Variants in GABRA6 observed in about 807,000 individuals in gnomAD.
GABRA6 encodes gamma-aminobutyric acid type A receptor subunit alpha6.
A neutral mutation model predicts 47.3 loss-of-function variants in GABRA6; 45 were observed. The ratio of observed to expected loss-of-function variants is 0.95; its 90% CI spans 0.75 to 1.22. GABRA6 has a LOEUF of 1.22. GABRA6 is among the 50% of genes most tolerant of loss of function. The pLI is 0.00. For synonymous variants in GABRA6, 219 were observed against 194.7 expected, an observed-to-expected ratio of 1.12 and a Z score of -1.04; for missense variants, 583 against 549.3, an observed-to-expected ratio of 1.06 and a Z score of -0.61.
Position 161,689,175 on chromosome 5 carries a change from G to C in GABRA6, c.446+6G>C, listed in dbSNP as rs758457278. ...ACCATTTTATACACCATGAGGTGAGGTTTCTCCAATTCTATTTCCCCTGCC... is the reference window on the plus strand; with the variant it reads ...ACCATTTTATACACCATGAGGTGAGCTTTCTCCAATTCTATTTCCCCTGCC... On this transcript the variant is annotated splice_donor_region_variant and intron_variant, in intron 4 of 8. Transcript: ENST00000274545. The C allele has an allele frequency of 6.2e-7, 1 of 1,613,104 alleles. No individual in the cohort carries two copies. The highest frequency in any genetic ancestry group is 8.5e-7 in the Non-Finnish European group (1 of 1,179,090).
Position 161,686,337 on chromosome 5 carries a change from C to G in GABRA6, c.146C>G (p.Pro49Arg). 1.2e-6 allele frequency: 2 copies of G among 1,613,110 alleles called. No individual in the cohort carries two copies. The highest frequency in any genetic ancestry group is 1.7e-6 in the Non-Finnish European group (2 of 1,179,100). The change falls in exon 2 of 9, where the codon CCG becomes CGG. Residue 49 changes from proline (P) to arginine (R), a missense_variant. Coordinates refer to ENST00000274545, the MANE Select transcript of GABRA6 (RefSeq NM_000811.3). Reference protein sequence around the residue: ...LLEGYDNRLRPGFGGAVTEVK... With the variant: ...LLEGYDNRLRRGFGGAVTEVK... ...GAAGGCTATGACAATCGGCTGCGGC[C>G]GGGATTTGGAGGTAAGAAGCTGCAT...
chr5:161,700,864 T>C (rs1294082285), intron 8 of GABRA6, among the ~76,000 whole-genome samples: 1 of 152,236 alleles, frequency 6.6e-6, no homozygotes, highest in Non-Finnish European at 1.5e-5. Context: ...AAGAGGCAGC[T>C]ATATTTCAAG....
intron 8 of GABRA6, among the ~76,000 whole-genome samples, chr5:161,701,179 C>A (rs1266719887): frequency 6.6e-6 from 1 of 152,164 alleles, no homozygotes; most frequent in Non-Finnish European, 1.5e-5. Flanking sequence ...AGTGGCTAGG[C>A]CTCTGCAACC....
intron 8 of GABRA6, among the ~76,000 whole-genome samples, chr5:161,694,149 A>T (rs908121614): frequency 2.0e-5 from 3 of 152,100 alleles, no homozygotes; most frequent in African/African-American, 2.4e-5. Context: ...TCATATTAGT[A>T]GAAATAAGTG....
At chr5:161,699,062 A>T (rs1754933693) in intron 8 of GABRA6, among the ~76,000 whole-genome samples, 2 of 152,176 alleles carry the variant, frequency 1.3e-5, no homozygotes, top group South Asian at 2.1e-4. Flanking sequence ...ATCTCTAAAA[A>T]ACGGGGAGAA....
At chr5:161,693,836 A>G (rs1421065488) in intron 8 of GABRA6, among the ~76,000 whole-genome samples, 8 of 152,014 alleles carry the variant, frequency 5.3e-5, no homozygotes, top group African/African-American at 2.4e-5. Context: ...TAATAATAAT[A>G]ATCAGAAGAA....
chr5:161,696,435 A>G (rs1404998323), intron 8 of GABRA6, among the ~76,000 whole-genome samples: 1 of 147,944 alleles, frequency 6.8e-6, no homozygotes, highest in Non-Finnish European at 1.5e-5. Context: ...ATTCCTCCCT[A>G]CAATTAAGGA....
At chr5:161,699,853 C>G (rs1447311526) in intron 8 of GABRA6, among the ~76,000 whole-genome samples, 1 of 152,146 alleles carries the variant, frequency 6.6e-6, no homozygotes, top group East Asian at 1.9e-4. Flanking sequence ...CCTCTAAGAC[C>G]TATGACTAAT....
rs185774338 is a variant in GABRA6, at chr5:161,688,631, A to G, written c.226-318A>G. 1.5e-3 allele frequency among the ~76,000 whole-genome samples: 228 copies of G among 152,318 alleles called. 7 individuals are homozygous for G. The highest frequency in any genetic ancestry group is 0.014 in the Admixed American group (210 of 15,290). On this transcript the variant is annotated intron_variant, in intron 3 of 8. Coordinates refer to ENST00000274545, the MANE Select transcript of GABRA6 (RefSeq NM_000811.3). ...CACAAAGGCTAAACTAAATATTTCC[A>G]TATTTTTTTTCTAGATTAAGAAGGA...
intron 8 of GABRA6, 79 bp downstream of exon 8, chr5:161,692,279 C>T: frequency 1.9e-6 from 3 of 1,555,118 alleles, no homozygotes; most frequent in Non-Finnish European, 2.7e-6. Flanking sequence ...CGAAAGTGTC[C>T]AAAAGTAATG....
At position 161,690,360 on chromosome 5, in the gene GABRA6, G is replaced by C. The variant is rs1386295107; in HGVS notation, c.826+7G>C. The stretch of plus-strand genomic sequence containing the variant: ...CCAGCAAGAACTGTTTTTGGTATAT[G>C]TCACATTTTGTACTTCACGTACATT... On this transcript the variant is annotated splice_region_variant and intron_variant, in intron 7 of 8. Coordinates refer to ENST00000274545, the MANE Select transcript of GABRA6 (RefSeq NM_000811.3). 2 of 1,611,840 alleles carry C rather than the reference G, an allele frequency of 1.2e-6. No individual in the cohort carries two copies. The highest frequency in any genetic ancestry group is 2.7e-5 in the African/African-American group (2 of 74,884).
intron 8 of GABRA6, among the ~76,000 whole-genome samples, chr5:161,692,987 T>C (rs1561725870): frequency 6.6e-6 from 1 of 152,188 alleles, no homozygotes; most frequent in Admixed American, 6.5e-5. Context: ...ATAAAACTGA[T>C]TGACAGTCAT....
At chr5:161,696,350 G>T (rs1754885677) in intron 8 of GABRA6, among the ~76,000 whole-genome samples, 2 of 127,870 alleles carry the variant, frequency 1.6e-5, no homozygotes, top group South Asian at 2.7e-4. Flanking sequence ...ATATTGCACA[G>T]ATTTTTTTTT....
Position 161,685,908 on chromosome 5 carries a change from T to A in GABRA6, c.-82T>A, listed in dbSNP as rs182859893. The stretch of plus-strand genomic sequence containing the variant: ...AGATATGAAGGGTTTGAAAGATTTC[T>A]CCAGTTGATTGGCAGAGAAGAGCTG... On this transcript the variant is annotated 5_prime_UTR_variant, in exon 1 of 9. Coordinates refer to ENST00000274545, the MANE Select transcript of GABRA6 (RefSeq NM_000811.3). 1.8e-6 allele frequency: 2 copies of A among 1,084,112 alleles called. No homozygotes were observed. The highest frequency in any genetic ancestry group is 2.9e-6 in the Non-Finnish European group (2 of 695,154). 67.2% of individuals were successfully genotyped at this position (1,084,112 alleles called of 1,614,324 possible). A position where few individuals can be genotyped will look rare whatever the true frequency, so the allele number is the denominator to read the frequency against.
intron 8 of GABRA6, among the ~76,000 whole-genome samples, chr5:161,701,043 C>T (rs923148789): frequency 9.2e-5 from 14 of 152,172 alleles, no homozygotes; most frequent in Admixed American, 7.2e-4. Context: ...AGAAGAATGG[C>T]GTCAATAAAC....
chr5:161,691,299 T>G (rs1754786382), intron 7 of GABRA6, among the ~76,000 whole-genome samples: 2 of 134,140 alleles, frequency 1.5e-5, no homozygotes, highest in East Asian at 4.2e-4. Context: ...TTTTTTTTTT[T>G]TTTTTTTTTT....
chr5:161,686,055 T>C (rs1381766865), intron 1 of GABRA6, 28 bp downstream of exon 1: 1 of 1,608,068 alleles, frequency 6.2e-7, no homozygotes, highest in East Asian at 2.2e-5. Context: ...TCCTGATTTT[T>C]CTTTTTATCT....
In GABRA6 at chr5:161,701,856, G is replaced by C; in HGVS notation, c.*83G>C. On this transcript the variant is annotated 3_prime_UTR_variant, in exon 9 of 9. Transcript: ENST00000274545. Reference sequence around the variant, plus strand: ...CTTAAAAAATAGCATTGAGACTTGTGTAGATGCTTCTCAGAACATGAAATC... The same window carrying C: ...CTTAAAAAATAGCATTGAGACTTGTCTAGATGCTTCTCAGAACATGAAATC... 7.2e-7 allele frequency: 1 copy of C among 1,380,226 alleles called. No homozygotes were observed. Among genetic ancestry groups the C allele is most frequent in the Non-Finnish European group, 1.0e-6 (1 of 973,010 alleles). 85.5% of individuals were successfully genotyped at this position (1,380,226 alleles called of 1,614,324 possible). A position where few individuals can be genotyped will look rare whatever the true frequency, so the allele number is the denominator to read the frequency against.
chr5:161,689,322 T>C lies in GABRA6; in HGVS notation c.515T>C (p.Leu172Pro). 6.2e-7 allele frequency: 1 copy of C among 1,613,840 alleles called. No homozygotes were observed. Among genetic ancestry groups the C allele is most frequent in the South Asian group, 1.1e-5 (1 of 91,086 alleles). Reference sequence around the variant, plus strand: ...CCTATGGATGGGCATGCTTGTCCACTCAAGTTTGGGAGCTGTAAGTTACAA... The same window carrying C: ...CCTATGGATGGGCATGCTTGTCCACCCAAGTTTGGGAGCTGTAAGTTACAA... ...NFPMDGHACP[L>P]KFGSYAYPKS... Residue 172 changes from leucine (L) to proline (P), a missense_variant, in exon 5 of 9, where the codon CTC becomes CCC. Leu to Pro is a moderately conservative substitution (Grantham distance 98). Transcript: ENST00000274545.
Sources: gnomAD v4.1 joint callset for allele counts (sites outside exome capture counted in the v4.1 genomes callset) on GRCh38, gnomAD v4.1.1 for gene constraint, MANE v1.5 for transcripts, NCBI Gene and HGNC (gene_info 2026-07-23, HGNC 2026-07-21) for gene names.